Variants in VWA8 observed in about 807,000 individuals in gnomAD.
VWA8 encodes the protein von Willebrand factor A domain containing 8.
A neutral mutation model predicts 241.5 loss-of-function variants in VWA8; 221 were observed. The ratio of observed to expected loss-of-function variants is 0.91; its 90% CI spans 0.82 to 1.02. The LOEUF is 1.02. VWA8 is among the 50% of genes least tolerant of loss of function. VWA8 has a pLI of 0.00. For synonymous variants in VWA8, 852 were observed against 827.1 expected, an observed-to-expected ratio of 1.03 and a Z score of -0.52; for missense variants, 2,322 against 2,328.7, an observed-to-expected ratio of 1.00 and a Z score of 0.06.
intron 24 of VWA8, among the ~76,000 whole-genome samples, chr13:41,722,207 T>C (rs975103582): frequency 2.0e-5 from 3 of 152,238 alleles, no homozygotes; most frequent in South Asian, 2.1e-4. Flanking sequence ...GAGGTTAGTT[T>C]TGGTAGAGTA....
chr13:41,699,280 C>G lies in VWA8; in HGVS notation c.3365-10G>C. On this transcript the variant is annotated splice_polypyrimidine_tract_variant and intron_variant, in intron 28 of 44. Coordinates refer to ENST00000379310, the MANE Select transcript of VWA8 (RefSeq NM_015058.2). ...GTATTTTGCTCATTTTCTGAAATGA[C>G]AAAAAGGTGTTAATTTTGTGGCTGG... is the stretch of plus-strand genomic sequence containing the variant. 3 of 1,612,988 alleles carry G rather than the reference C, an allele frequency of 1.9e-6. No homozygotes were observed. The highest frequency in any genetic ancestry group is 2.5e-6 in the Non-Finnish European group (3 of 1,179,492).
At chr13:41,914,363 G>A (rs1355580176) in intron 2 of VWA8, among the ~76,000 whole-genome samples, 1 of 152,160 alleles carries the variant, frequency 6.6e-6, no homozygotes, top group Non-Finnish European at 1.5e-5. Flanking sequence ...CTATTAGGTA[G>A]TTTCATGATG....
intron 21 of VWA8, among the ~76,000 whole-genome samples, chr13:41,741,610 C>A (rs2045569876): frequency 6.6e-6 from 1 of 152,132 alleles, no homozygotes; most frequent in Non-Finnish European, 1.5e-5. Flanking sequence ...TTATGTACAC[C>A]TAGTGTCTAT....
rs764532290 is a variant in VWA8, at chr13:41,701,508, T to C, written c.3248A>G (p.Gln1083Arg). Reference protein sequence around the residue: ...DIKGPALINIQEYPIERHEER... With the variant: ...DIKGPALINIREYPIERHEER... ...TTCATGTCTTTCTATTGGATACTCC[T>C]GTATATTTATAAGTGCTGGACCCTA... The change falls in exon 28 of 45, where the codon CAG (glutamine) becomes CGG (arginine). Residue 1083 changes from glutamine to arginine, a missense_variant. Coordinates refer to ENST00000379310, the MANE Select transcript of VWA8 (RefSeq NM_015058.2). The C allele has an allele frequency of 6.2e-6, 10 of 1,609,132 alleles. No individual in the cohort carries two copies. Among genetic ancestry groups the C allele is most frequent in the Admixed American group, 5.1e-5 (3 of 59,236 alleles).
intron 36 of VWA8, among the ~76,000 whole-genome samples, chr13:41,672,343 TTGTC>T (rs2045031685): frequency 2.0e-5 from 3 of 152,278 alleles, no homozygotes; most frequent in Admixed American, 6.5e-5. Flanking sequence ...GAAAGCAAAT[TTGTC>T]TGTAAGAGTC....
intron 44 of VWA8, 27 bp downstream of exon 44, chr13:41,570,425 ATCTCTGTACCTGCCCT>A (rs746448992): frequency 2.6e-6 from 4 of 1,548,152 alleles, no homozygotes; most frequent in East Asian, 2.3e-5. Flanking sequence ...GCTACTCAGT[ATCTCTGTACCTGCCCT>A]TTTCTGTATG....
intron 12 of VWA8, 22 bp from the exon 13 acceptor site, chr13:41,833,553 C>G: frequency 1.9e-6 from 3 of 1,578,704 alleles, no homozygotes; most frequent in Non-Finnish European, 1.7e-6. Context: ...CCCCACCACC[C>G]AACAAAGAAC....
At chr13:41,861,591 C>T (rs1453045971) in intron 12 of VWA8, among the ~76,000 whole-genome samples, 1 of 152,160 alleles carries the variant, frequency 6.6e-6, no homozygotes, top group East Asian at 1.9e-4. Flanking sequence ...CAAGTGACTA[C>T]AGTAAAGTTT....
At chr13:41,772,193 G>A (rs750449916) in intron 20 of VWA8, among the ~76,000 whole-genome samples, 8 of 151,968 alleles carry the variant, frequency 5.3e-5, no homozygotes, top group Non-Finnish European at 7.4e-5. Flanking sequence ...CCCGGCCTCC[G>A]GCAGGGACTT....
intron 21 of VWA8, among the ~76,000 whole-genome samples, chr13:41,756,210 C>T (rs1440280312): frequency 6.6e-6 from 1 of 151,670 alleles, no homozygotes; most frequent in Admixed American, 6.6e-5. Flanking sequence ...CCTAAAACAA[C>T]ATTTATCAAA....
intron 40 of VWA8, among the ~76,000 whole-genome samples, chr13:41,592,403 C>G (rs1402649743): frequency 6.7e-6 from 1 of 150,030 alleles, no homozygotes; most frequent in Non-Finnish European, 1.5e-5. Context: ...ACCAGCATGG[C>G]ACATGTATAC....
chr13:41,614,983 G>A lies in VWA8; in HGVS notation c.4713C>T (p.Gly1571=), dbSNP rs745974371. Residue 1571 remains glycine, a synonymous_variant, in exon 38 of 45, where the codon GGC becomes GGT. Transcript: ENST00000379310. ...MPHVGGNTWA[G]GTGGRDTAGL... The stretch of plus-strand genomic sequence containing the variant: ...AATGCCTGTGCTACCAACCTGTTCC[G>A]CCAGCCCAAGTGTTGCCGCCCACGT... 4.3e-6 allele frequency: 7 copies of A among 1,613,070 alleles called. No individual in the cohort carries two copies. Among genetic ancestry groups the A allele is most frequent in the Admixed American group, 3.3e-5 (2 of 60,004 alleles).
In VWA8 at chr13:41,863,454, T is replaced by TATATATATA. The variant is rs767135880; in HGVS notation, c.1425+2281_1425+2282insTATATATAT. 5.2e-3 allele frequency among the ~76,000 whole-genome samples: 493 copies of TATATATATA among 94,180 alleles called. 1 individual carries two copies. The highest frequency in any genetic ancestry group is 0.011 in the East Asian group (33 of 3,088). The allele number at this position is 94,180 out of a possible 152,430, so 61.8% of individuals were successfully genotyped here. On this transcript the variant is annotated intron_variant, in intron 12 of 44. Transcript: ENST00000379310. Reference sequence around the variant, plus strand: ...GTGTGTATATATATATATATATATATTCACACACACACACACACTATATAT... The same window carrying TATATATATA: ...GTGTGTATATATATATATATATATATATATATATATCACACACACACACACACTATATAT...
rs111812254 is a variant in VWA8, at chr13:41,855,456, G to A, written c.1425+10280C>T. Among the ~76,000 whole-genome samples the A allele has an allele frequency of 1.6e-3, 233 of 149,374 alleles. 1 individual carries two copies. Among genetic ancestry groups the A allele is most frequent in the African/African-American group, 5.3e-3 (215 of 40,772 alleles). ...CTACTGTAGAAGAAAGAGAAATACT[G>A]ATATAAACATAAATTAAAATGTGAT... On this transcript the variant is annotated intron_variant, in intron 12 of 44. Transcript: ENST00000379310.
rs112942448 is a variant in VWA8, at chr13:41,607,951, C to CTGTG, written c.4878-2679_4878-2676dup. Among the ~76,000 whole-genome samples the CTGTG allele has an allele frequency of 8.5e-4, 128 of 150,198 alleles. 1 individual carries two copies. Among genetic ancestry groups the CTGTG allele is most frequent in the African/African-American group, 2.7e-3 (111 of 41,074 alleles). ...AACCACAACACAATCTTCTAAACTA[C>CTGTG]TGTGTGTGTGTGTGTGTGCACGCAC... On this transcript the variant is annotated intron_variant, in intron 39 of 44. Coordinates refer to ENST00000379310, the MANE Select transcript of VWA8 (RefSeq NM_015058.2).
intron 17 of VWA8, among the ~76,000 whole-genome samples, chr13:41,790,822 A>T (rs2137947534): frequency 6.6e-6 from 1 of 152,072 alleles, no homozygotes; most frequent in South Asian, 2.1e-4. Context: ...CTCTGAATTG[A>T]TGTTCACTTT....
At chr13:41,871,511 T>C (rs1373955126) in intron 9 of VWA8, among the ~76,000 whole-genome samples, 1 of 152,152 alleles carries the variant, frequency 6.6e-6, no homozygotes, top group Non-Finnish European at 1.5e-5. Flanking sequence ...TGTGTCCATG[T>C]GTTCTCATTG....
intron 42 of VWA8, among the ~76,000 whole-genome samples, chr13:41,582,075 TTG>T (rs2044386419): frequency 6.6e-6 from 1 of 152,196 alleles, no homozygotes; most frequent in South Asian, 2.1e-4. Flanking sequence ...GCAAATGATG[TTG>T]CGCTAGTCTT....
chr13:41,654,713 G>T (rs1011871657), intron 37 of VWA8, among the ~76,000 whole-genome samples: 1 of 152,146 alleles, frequency 6.6e-6, no homozygotes, highest in Non-Finnish European at 1.5e-5. Context: ...AGGACACATT[G>T]AGAACACAGC....
Sources: allele counts gnomAD v4.1 joint callset (sites outside exome capture counted in the v4.1 genomes callset), GRCh38; gene constraint gnomAD v4.1.1; transcripts MANE v1.5; gene names NCBI Gene and HGNC (gene_info 2026-07-23, HGNC 2026-07-21).